Variants in LFNG observed in about 807,000 individuals in gnomAD.
The protein encoded by LFNG is LFNG O-fucosylpeptide 3-beta-N-acetylglucosaminyltransferase, also known as beta-1,3-N-acetylglucosaminyltransferase lunatic fringe.
In LFNG, 15 loss-of-function variants were observed where a neutral mutation model predicts 32.7. The observed-to-expected ratio is 0.46, with a 90% confidence interval of 0.31 to 0.71. The LOEUF (loss-of-function observed/expected upper bound fraction) is 0.71, where lower values mean the gene tolerates loss of function less well. Among genes scored for constraint, LFNG ranks in the 30% least tolerant of loss-of-function variants. LFNG has a pLI of 0.06. For missense variants in LFNG, 520 were observed against 545.7 expected (o/e 0.95, Z 0.47); for synonymous variants, 274 against 246.8 (o/e 1.11, Z -1.03).
intron 1 of LFNG, among the ~76,000 whole-genome samples, chr7:2,522,903 C>T (rs991505145): frequency 3.3e-5 from 5 of 152,354 alleles, no homozygotes; most frequent in African/African-American, 1.2e-4. Flanking sequence ...AGGCTCTGAG[C>T]GGCAGGTGAG....
In LFNG at chr7:2,526,201, G is replaced by T; in HGVS notation, c.822-43G>T. On this transcript the variant is annotated intron_variant, in intron 5 of 7. Coordinates refer to ENST00000222725, the MANE Select transcript of LFNG (RefSeq NM_001040167.2). This position sits in a 1 kb window ranked among gnomAD's most constrained non-coding sequence, Gnocchi z 6.9. ...GGGCCTCCCCAGCTCCCAGCAGATG[G>T]CTCCCGCCTCTGCTCACTGGTCTGG... 3 of 1,606,666 alleles carry T rather than the reference G, an allele frequency of 1.9e-6. No individual in the cohort carries two copies. Among genetic ancestry groups the T allele is most frequent in the Non-Finnish European group, 2.5e-6 (3 of 1,176,686 alleles).
chr7:2,524,477 G>C (rs1441711051), intron 1 of LFNG, among the ~76,000 whole-genome samples: 2 of 152,216 alleles, frequency 1.3e-5, no homozygotes, highest in African/African-American at 2.4e-5. Context: ...CCCACCCCCA[G>C]GGCGAGTGAA....
chr7:2,527,752 G>A lies in LFNG; in HGVS notation c.*540G>A. On this transcript the variant is annotated 3_prime_UTR_variant, in exon 8 of 8. Transcript: ENST00000222725. This position sits in a 1 kb window ranked among gnomAD's most constrained non-coding sequence, Gnocchi z 4.4. The stretch of plus-strand genomic sequence containing the variant: ...CCCTTCCTCCTGGCCTGGACGCTGT[G>A]GCTTAAGAGTAACAGCAGCCACCGC... 1 of 1,017,834 alleles carries A rather than the reference G, an allele frequency of 9.8e-7. No individual in the cohort carries two copies. 63.1% of individuals were successfully genotyped at this position (1,017,834 alleles called of 1,614,324 possible).
At chr7:2,512,808 C>T (rs975384660) in intron 1 of LFNG, 5 of 958,222 alleles carry the variant, frequency 5.2e-6, no homozygotes, top group African/African-American at 3.2e-5. Context: ...GCATTCTACA[C>T]CTAGATCCTC....
chr7:2,525,592 C>A, intron 4 of LFNG, 25 bp downstream of exon 4: 1 of 1,612,076 alleles, frequency 6.2e-7, no homozygotes, highest in Non-Finnish European at 8.5e-7. Context: ...CTCCCAGTCC[C>A]CCACGCCCAC....
At chr7:2,515,187 C>T (rs558245828), upstream of LFNG, among the ~76,000 whole-genome samples, 140 of 152,218 alleles carry the variant, frequency 9.2e-4, no homozygotes, top group Non-Finnish European at 1.7e-3. Flanking sequence ...TCCATCCATC[C>T]GTCCCTCCAT....
chr7:2,517,767 T>G, upstream of LFNG: 1 of 735,512 alleles, frequency 1.4e-6, no homozygotes, highest in Non-Finnish European at 2.1e-6. Context: ...CTGCAGGGGA[T>G]TGAGGAGGGA....
upstream of LFNG, chr7:2,513,006 G>A: frequency 1.4e-6 from 1 of 740,310 alleles, no homozygotes; most frequent in South Asian, 1.8e-5. Flanking sequence ...CAGGGCAAAT[G>A]TCACCATCTT....
chr7:2,519,871 C>A lies in LFNG; in HGVS notation c.10C>A (p.Arg4Ser). 9.1e-7 allele frequency: 1 copy of A among 1,104,124 alleles called. No individual in the cohort carries two copies. Among genetic ancestry groups the A allele is most frequent in the Non-Finnish European group, 1.1e-6 (1 of 903,022 alleles). 68.4% of individuals were successfully genotyped at this position (1,104,124 alleles called of 1,614,324 possible). A position where few individuals can be genotyped will look rare whatever the true frequency, so the allele number is the denominator to read the frequency against. MLKRCGRRLLLALA... is the reference protein window; with the variant it reads MLKSCGRRLLLALA... ...CGGCCGCCACCCCACCATGCTCAAGCGCTGCGGCCGGCGCCTGCTGCTGGC... is the reference window on the plus strand; with the variant it reads ...CGGCCGCCACCCCACCATGCTCAAGAGCTGCGGCCGGCGCCTGCTGCTGGC... Residue 4 changes from arginine (R) to serine (S), a missense_variant, in exon 1 of 8, where the codon CGC becomes AGC. Arg to Ser is a moderately radical substitution (Grantham distance 110). This residue lies in a region of LFNG where 360 missense variants were observed against 354.7 expected (regional missense o/e 1.01). Transcript: ENST00000222725.
In LFNG at chr7:2,526,746, C is replaced by T. The variant is rs1037998011; in HGVS notation, c.988-90C>T. On this transcript the variant is annotated intron_variant, in intron 6 of 7. Transcript: ENST00000222725. This position sits in a 1 kb window ranked among gnomAD's most constrained non-coding sequence, Gnocchi z 6.9. ...GGTCCAAGGGAGGCCAGGGCAGGGCCGTTGCCTCACTCAGGGCTGTGTGGC... is the reference window on the plus strand; with the variant it reads ...GGTCCAAGGGAGGCCAGGGCAGGGCTGTTGCCTCACTCAGGGCTGTGTGGC... 1.6e-5 allele frequency: 19 copies of T among 1,215,410 alleles called. No individual in the cohort carries two copies. Among genetic ancestry groups the T allele is most frequent in the Middle Eastern group, 2.1e-4 (1 of 4,868 alleles). 75.3% of individuals were successfully genotyped at this position (1,215,410 alleles called of 1,614,324 possible).
rs1274627339 is a variant in LFNG at position 2,527,621 on chromosome 7, G to T, written c.*409G>T. ...GCTGACCACAAGCTCTGTGCTGGGG[G>T]TACCTGTGCCCTGAAGTCCTGGCCC... On this transcript the variant is annotated 3_prime_UTR_variant, in exon 8 of 8. Coordinates refer to ENST00000222725, the MANE Select transcript of LFNG (RefSeq NM_001040167.2). The surrounding 1 kb of genome is among the most constrained non-coding windows in gnomAD (Gnocchi z 4.4). 2 of 1,170,490 alleles carry T rather than the reference G, an allele frequency of 1.7e-6. No homozygotes were observed. Among genetic ancestry groups the T allele is most frequent in the African/African-American group, 3.2e-5 (2 of 62,474 alleles). 72.5% of individuals were successfully genotyped at this position (1,170,490 alleles called of 1,614,324 possible). A position where few individuals can be genotyped will look rare whatever the true frequency, so the allele number is the denominator to read the frequency against.
upstream of LFNG, among the ~76,000 whole-genome samples, chr7:2,515,642 C>T (rs752931596): frequency 6.6e-6 from 1 of 152,236 alleles, no homozygotes; most frequent in Admixed American, 6.5e-5. Flanking sequence ...CGTGGCTTCA[C>T]GGCTGCAGAG....
chr7:2,513,047 C>G, upstream of LFNG: 1 of 1,056,058 alleles, frequency 9.5e-7, no homozygotes, highest in Non-Finnish European at 1.4e-6. Context: ...AGTCCCCTGC[C>G]TCCCAGCCCC....
At chr7:2,525,868 C>T (rs960966714) in intron 5 of LFNG, 98 bp downstream of exon 5, 2 of 1,059,060 alleles carry the variant, frequency 1.9e-6, no homozygotes, top group South Asian at 1.3e-5. Context: ...GTGTCCCCAG[C>T]CTCCTGTGTG....
rs1779964086 is a variant in LFNG, at chr7:2,526,153, G to A, written c.822-91G>A. The A allele has an allele frequency of 2.1e-6, 3 of 1,408,990 alleles. No homozygotes were observed. Among genetic ancestry groups the A allele is most frequent in the South Asian group, 2.4e-5 (2 of 84,878 alleles). The allele number at this position is 1,408,990 out of a possible 1,614,324, so 87.3% of individuals were successfully genotyped here. A position where few individuals can be genotyped will look rare whatever the true frequency, so the allele number is the denominator to read the frequency against. On this transcript the variant is annotated intron_variant, in intron 5 of 7. Coordinates refer to ENST00000222725, the MANE Select transcript of LFNG (RefSeq NM_001040167.2). This position sits in a 1 kb window ranked among gnomAD's most constrained non-coding sequence, Gnocchi z 6.9. ...TCTCCTCAGGGCTCCTCTCCCTGAG[G>A]AGTGCAGCGCCTTTGCCTGGTGGGG...
At chr7:2,518,182 C>G (rs1057245388), upstream of LFNG, among the ~76,000 whole-genome samples, 1 of 152,162 alleles carries the variant, frequency 6.6e-6, no homozygotes, top group Admixed American at 6.5e-5. Context: ...CTTTTCTCCC[C>G]GGCTCACCCT....
chr7:2,517,970 G>T (rs923785136), upstream of LFNG: 2 of 1,090,062 alleles, frequency 1.8e-6, no homozygotes, highest in Non-Finnish European at 2.3e-6. Context: ...GTGGGATGGG[G>T]GTGGAGGCTG....
At position 2,520,238 on chromosome 7, in the gene LFNG, AC is replaced by A; in HGVS notation, c.379del (p.Arg127AlafsTer18). The A allele has an allele frequency of 6.2e-7, 1 of 1,607,602 alleles. No homozygotes were observed. Among genetic ancestry groups the A allele is most frequent in the Non-Finnish European group, 8.5e-7 (1 of 1,178,048 alleles). On this transcript the variant is annotated frameshift_variant, in exon 1 of 8. Transcript: ENST00000222725. LOFTEE classifies it high-confidence loss of function. The surrounding 1 kb of genome is among the most constrained non-coding windows in gnomAD (Gnocchi z 5.0). ...FIAVKTTKKFHRARLDLLLET... is the reference protein window; with the variant it reads ...FIAVKTTKKFXRARLDLLLET... Reference sequence around the variant, plus strand: ...GCTGTCAAGACCACCAAAAAGTTCCACCGCGCGCGCCTCGACCTGCTGCTGG... The same window carrying A: ...GCTGTCAAGACCACCAAAAAGTTCCACGCGCGCGCCTCGACCTGCTGCTGG...
Position 2,525,313 on chromosome 7 carries a change from C to G in LFNG, c.576C>G (p.Gly192=). The change falls in exon 3 of 8, where the codon GGC becomes GGG. Residue 192 remains glycine, a synonymous_variant. Transcript: ENST00000222725. ...AGTATGACCGCTTCATCGAGTCCGG[C>G]AGGAAGTGAGTGTGGCCCCGGGGGA... The part of the protein sequence containing the change: ...AVEYDRFIES[G]RKWFCHVDDD... The G allele has an allele frequency of 5.6e-6, 9 of 1,612,964 alleles. No homozygotes were observed. The highest frequency in any genetic ancestry group is 7.6e-6 in the Non-Finnish European group (9 of 1,179,850).
Sources: gnomAD v4.1 joint callset for allele counts (sites outside exome capture counted in the v4.1 genomes callset) on GRCh38, gnomAD v4.1.1 for gene constraint, gnomAD v4.1.1 regional missense constraint, Gnocchi (gnomAD v3.1) non-coding constraint, MANE v1.5 for transcripts, NCBI Gene and HGNC (gene_info 2026-07-23, HGNC 2026-07-21) for gene names.